The following OTOGL variants were observed in gnomAD, a reference collection of about 807,000 sequenced individuals.
OTOGL encodes the protein otogelin like, also known as otogelin-like protein.
Under a neutral mutation model 318.5 loss-of-function variants are expected in OTOGL, and 285 were observed. The observed-to-expected ratio is 0.89, with a 90% CI of 0.81 to 0.99. The LOEUF (loss-of-function observed/expected upper bound fraction) is 0.99, where lower values mean the gene tolerates loss of function less well. Among genes scored for constraint, OTOGL ranks in the 50% least tolerant of loss-of-function variants. OTOGL has a pLI of 0.00. For synonymous variants in OTOGL, 987 were observed against 936.5 expected (o/e 1.05, Z -0.99); for missense variants, 2,899 against 2,845.6 (o/e 1.02, Z -0.43).
At chr12:80,168,777 T>C (rs917011482) in intron 1 of OTOGL, among the ~76,000 whole-genome samples, 2 of 152,194 alleles carry the variant, frequency 1.3e-5, no homozygotes, top group Non-Finnish European at 2.9e-5. Flanking sequence ...ATATCTTCTT[T>C]CAGGGGACAG....
chr12:80,317,380 AT>A (rs1456264314), intron 32 of OTOGL, among the ~76,000 whole-genome samples: 2 of 152,152 alleles, frequency 1.3e-5, no homozygotes, highest in African/African-American at 4.8e-5. Context: ...CTGAGAGTCA[AT>A]TCAAAAGCTT....
intron 1 of OTOGL, among the ~76,000 whole-genome samples, chr12:80,125,916 T>C (rs1459506117): frequency 1.2e-4 from 19 of 152,152 alleles, no homozygotes; most frequent in Admixed American, 1.2e-3. Flanking sequence ...TACATCTATT[T>C]GATTCTTCTC....
At chr12:80,254,973 C>T (rs1389564648) in intron 15 of OTOGL, 67 bp from the exon 16 acceptor site, 8 of 1,249,832 alleles carry the variant, frequency 6.4e-6, no homozygotes, top group Middle Eastern at 2.6e-4. Context: ...TGGTATCATC[C>T]TCCTCTCTCT....
At chr12:80,208,311 G>A (rs960924630) in intron 1 of OTOGL, 1 of 463,630 alleles carries the variant, frequency 2.2e-6, no homozygotes, top group Admixed American at 2.4e-5. Flanking sequence ...ACATTAGTTA[G>A]GATGTCAAGA....
chr12:80,159,488 T>G (rs1565883045), intron 1 of OTOGL, among the ~76,000 whole-genome samples: 2 of 152,004 alleles, frequency 1.3e-5, no homozygotes, highest in African/African-American at 4.8e-5. Flanking sequence ...GTCTTTTTTT[T>G]ATTACCATTT....
At position 80,257,872 on chromosome 12, in the gene OTOGL, A is replaced by G. The variant is rs1234815758; in HGVS notation, c.1759A>G (p.Thr587Ala). The G allele has an allele frequency of 1.3e-6, 2 of 1,593,140 alleles. No homozygotes were observed. Among genetic ancestry groups the G allele is most frequent in the Non-Finnish European group, 1.7e-6 (2 of 1,176,894 alleles). Residue 587 changes from threonine (T) to alanine (A), a missense_variant, in exon 18 of 59, where the codon ACC (threonine) becomes GCC (alanine). Thr to Ala is a moderately conservative substitution (Grantham distance 58, BLOSUM62 0). Around this residue, in one of 3 missense-constraint regions of OTOGL, gnomAD observed 2,607 missense variants for 2,524.9 expected, o/e 1.03. Coordinates refer to ENST00000547103, the MANE Select transcript of OTOGL (RefSeq NM_001378609.3). ...TLSSLFILLKTTFGLKILFAI... is the reference protein window; with the variant it reads ...TLSSLFILLKATFGLKILFAI... ...GTCATCCTTATTTATACTTCTAAAA[A>G]CCACATTTGGTTTAAAGATTCTGTT...
chr12:80,177,928 A>G (rs1306436991), intron 1 of OTOGL, among the ~76,000 whole-genome samples: 2 of 152,156 alleles, frequency 1.3e-5, no homozygotes, highest in Non-Finnish European at 2.9e-5. Context: ...CCTATGAATT[A>G]CAAGATTTTT....
chr12:80,175,289 T>A (rs1034426721), intron 1 of OTOGL, among the ~76,000 whole-genome samples: 5 of 152,212 alleles, frequency 3.3e-5, no homozygotes, highest in African/African-American at 1.2e-4. Flanking sequence ...TACAAATTTC[T>A]CATCCTTAGG....
intron 1 of OTOGL, among the ~76,000 whole-genome samples, chr12:80,120,173 G>T (rs187084620): frequency 6.6e-6 from 1 of 152,166 alleles, no homozygotes; most frequent in Non-Finnish European, 1.5e-5. Flanking sequence ...GGATGGGGTA[G>T]CTGGGGTGAT....
At chr12:80,304,582 A>G (rs1168227568) in intron 28 of OTOGL, among the ~76,000 whole-genome samples, 1 of 152,218 alleles carries the variant, frequency 6.6e-6, no homozygotes, top group Non-Finnish European at 1.5e-5. Context: ...TTGAAGTTAT[A>G]GTCTTTCAGT....
intron 1 of OTOGL, among the ~76,000 whole-genome samples, chr12:80,100,588 G>A (rs190227320): frequency 1.3e-5 from 2 of 152,144 alleles, no homozygotes; most frequent in African/African-American, 4.8e-5. Context: ...TTTTCAAACC[G>A]CTAGAAAGTA....
intron 55 of OTOGL, among the ~76,000 whole-genome samples, chr12:80,368,859 A>G (rs970976232): frequency 2.7e-5 from 4 of 150,728 alleles, no homozygotes; most frequent in African/African-American, 9.8e-5. Context: ...ATATAATTCT[A>G]TCTCTTAAAG....
At chr12:80,147,823 CT>C (rs1307260853) in intron 1 of OTOGL, among the ~76,000 whole-genome samples, 2 of 152,098 alleles carry the variant, frequency 1.3e-5, no homozygotes, top group Non-Finnish European at 2.9e-5. Context: ...CCTTGTTTGT[CT>C]CTTTTGATCT....
chr12:80,148,597 G>A (rs972528846), intron 1 of OTOGL, among the ~76,000 whole-genome samples: 1 of 151,838 alleles, frequency 6.6e-6, no homozygotes, highest in Non-Finnish European at 1.5e-5. Flanking sequence ...CTGAATGTTG[G>A]CCTGCCTTGC....
intron 11 of OTOGL, among the ~76,000 whole-genome samples, chr12:80,240,212 T>C (rs975622352): frequency 6.6e-6 from 1 of 152,228 alleles, no homozygotes; most frequent in African/African-American, 2.4e-5. Context: ...CTCTTCCATA[T>C]GTTGATTTTG....
At chr12:80,337,171 C>T (rs1161088350) in intron 42 of OTOGL, among the ~76,000 whole-genome samples, 167 bp downstream of exon 42, 1 of 151,878 alleles carries the variant, frequency 6.6e-6, no homozygotes, top group Non-Finnish European at 1.5e-5. Context: ...TTATATTTGT[C>T]TCTCAATAAT....
At chr12:80,214,058 T>G (rs1227400697) in intron 4 of OTOGL, among the ~76,000 whole-genome samples, 2 of 152,218 alleles carry the variant, frequency 1.3e-5, no homozygotes, top group East Asian at 3.8e-4. Context: ...TGGGCCTCTC[T>G]CCGTCCTGTG....
At chr12:80,210,295 T>A (rs1181060022) in intron 2 of OTOGL, among the ~76,000 whole-genome samples, 2 of 152,154 alleles carry the variant, frequency 1.3e-5, no homozygotes, top group Admixed American at 1.3e-4. Context: ...GGGCAAAGAA[T>A]TGATTTATTT....
At position 80,203,114 on chromosome 12, in the gene OTOGL, G is replaced by A. The variant is rs183220156; in HGVS notation, c.-19-6299G>A. Among the ~76,000 whole-genome samples the A allele has an allele frequency of 5.9e-5, 9 of 152,202 alleles. No individual in the cohort carries two copies. In the East Asian group the frequency reaches 1.7e-3, roughly 29 times the overall value. On this transcript the variant is annotated intron_variant, in intron 1 of 58. Coordinates refer to ENST00000547103, the MANE Select transcript of OTOGL (RefSeq NM_001378609.3). ...TGTGAATGCATTCATTTTCTTTACT[G>A]CTGTAACAAATTACCACAAATTTAA...
Sources: allele counts gnomAD v4.1 joint callset (sites outside exome capture counted in the v4.1 genomes callset), GRCh38; gene constraint gnomAD v4.1.1; regional missense constraint gnomAD v4.1.1; transcripts MANE v1.5; gene names NCBI Gene and HGNC (gene_info 2026-07-23, HGNC 2026-07-21).